LGR5: variants seen among roughly 807,000 people sequenced by gnomAD.
LGR5 encodes leucine rich repeat containing G protein-coupled receptor 5, also known as leucine-rich repeat-containing G protein-coupled receptor 5.
Under a neutral mutation model 76.7 loss-of-function variants are expected in LGR5, and 54 were observed. That is an observed-to-expected ratio of 0.70 (90% CI 0.57 to 0.88). The LOEUF (loss-of-function observed/expected upper bound fraction) is 0.88. LGR5 is among the 40% of genes least tolerant of loss of function. The pLI is 0.00. For synonymous variants in LGR5, 406 were observed against 421.9 expected (o/e 0.96, Z 0.46); for missense variants, 1,078 against 1,073.3 (o/e 1.00, Z -0.06).
rs2137487477 is a variant in LGR5, at chr12:71,584,458, T to C, written c.2448T>C (p.Asn816=). The part of the protein sequence containing the change: ...LVVVPLPACL[N]PLLYILFNPH... ...TAGTCCCACTTCCTGCATGTCTCAA[T>C]CCCCTTCTCTACATCTTGTTCAATC... Residue 816 remains asparagine, a synonymous_variant, in exon 18 of 18, where the codon AAT becomes AAC. Coordinates refer to ENST00000266674, the MANE Select transcript of LGR5 (RefSeq NM_003667.4). The C allele has an allele frequency of 6.2e-7, 1 of 1,614,160 alleles. No homozygotes were observed. Among genetic ancestry groups the C allele is most frequent in the African/African-American group, 1.3e-5 (1 of 75,046 alleles).
chr12:71,556,720 T>G (rs1877788731), intron 6 of LGR5, 30 bp downstream of exon 6: 1 of 1,503,662 alleles, frequency 6.7e-7, no homozygotes, highest in African/African-American at 1.4e-5. Context: ...GTTTCCCTTT[T>G]TTCAGTATTT....
intron 1 of LGR5, among the ~76,000 whole-genome samples, chr12:71,460,609 A>T (rs1471812088): frequency 6.6e-6 from 1 of 152,132 alleles, no homozygotes; most frequent in Non-Finnish European, 1.5e-5. Context: ...CTTTATATAC[A>T]GTAAGGGATG....
At chr12:71,511,012 G>T (rs1407205349) in intron 2 of LGR5, among the ~76,000 whole-genome samples, 42 of 152,198 alleles carry the variant, frequency 2.8e-4, no homozygotes, top group Non-Finnish European at 1.5e-5. Flanking sequence ...GTTAAGCCAT[G>T]TATGGAATTC....
chr12:71,508,752 C>CAAAAAAA (rs35401076), intron 2 of LGR5, among the ~76,000 whole-genome samples: 3 of 28,132 alleles, frequency 1.1e-4, no homozygotes, highest in African/African-American at 2.5e-4. Context: ...GACTCAGTCT[C>CAAAAAAA]AAAAAAAAAA....
At chr12:71,554,533 G>A (rs971611811) in intron 5 of LGR5, among the ~76,000 whole-genome samples, 1 of 152,156 alleles carries the variant, frequency 6.6e-6, no homozygotes, top group African/African-American at 2.4e-5. Flanking sequence ...AAGGTAGCCT[G>A]GTCCCAAGGC....
chr12:71,546,409 G>A (rs531528261), intron 4 of LGR5, among the ~76,000 whole-genome samples: 1 of 152,150 alleles, frequency 6.6e-6, no homozygotes, highest in South Asian at 2.1e-4. Context: ...CATTCACAGT[G>A]AACATGGAGT....
At chr12:71,541,693 T>A (rs1373152114) in intron 4 of LGR5, among the ~76,000 whole-genome samples, 1 of 152,226 alleles carries the variant, frequency 6.6e-6, no homozygotes, top group African/African-American at 2.4e-5. Context: ...TCATGCTTTA[T>A]CCTCACAGAA....
intron 1 of LGR5, among the ~76,000 whole-genome samples, chr12:71,443,525 C>A (rs765452301): frequency 1.3e-5 from 2 of 152,102 alleles, no homozygotes; most frequent in African/African-American, 2.4e-5. Flanking sequence ...AAGGAACGCA[C>A]CAAGGTTGAG....
At chr12:71,504,319 C>T (rs1874750032) in intron 1 of LGR5, among the ~76,000 whole-genome samples, 1 of 152,066 alleles carries the variant, frequency 6.6e-6, no homozygotes, top group Non-Finnish European at 1.5e-5. Context: ...CCTTTGCTGT[C>T]CTACTCACAT....
chr12:71,452,246 C>T (rs1872280303), intron 1 of LGR5, among the ~76,000 whole-genome samples: 1 of 152,186 alleles, frequency 6.6e-6, no homozygotes, highest in Admixed American at 6.5e-5. Flanking sequence ...TGGCAGTCAC[C>T]TCCTGATCTG....
chr12:71,570,137 A>C (rs534403717), intron 11 of LGR5, among the ~76,000 whole-genome samples: 1 of 151,658 alleles, frequency 6.6e-6, no homozygotes, highest in East Asian at 1.9e-4. Context: ...GAGAGAAACC[A>C]CACTTAACTG....
chr12:71,491,393 A>C (rs1236447212), intron 1 of LGR5, among the ~76,000 whole-genome samples: 1 of 152,066 alleles, frequency 6.6e-6, no homozygotes, highest in Non-Finnish European at 1.5e-5. Flanking sequence ...CCTTAGATTG[A>C]CTTTTTTTTT....
chr12:71,483,098 G>A (rs909829049), intron 1 of LGR5, among the ~76,000 whole-genome samples: 2 of 151,932 alleles, frequency 1.3e-5, no homozygotes, highest in Non-Finnish European at 2.9e-5. Context: ...AAAAAAAAAG[G>A]AACCACCATA....
At chr12:71,456,985 A>G (rs1346027072) in intron 1 of LGR5, among the ~76,000 whole-genome samples, 1 of 151,838 alleles carries the variant, frequency 6.6e-6, no homozygotes, top group Non-Finnish European at 1.5e-5. Flanking sequence ...GATTCCATAC[A>G]CCCCCATCTC....
rs746328435 is a variant in LGR5 at position 71,566,492 on chromosome 12, C to G, written c.929+17C>G. The stretch of plus-strand genomic sequence containing the variant: ...AAGAACACTGTAAGTTTCTATGTCT[C>G]TTATGGATCACTTTCCCTCTACAGG... On this transcript the variant is annotated intron_variant, in intron 9 of 17. Transcript: ENST00000266674. 2 of 1,577,712 alleles carry G rather than the reference C, an allele frequency of 1.3e-6. No homozygotes were observed. The highest frequency in any genetic ancestry group is 1.7e-6 in the Non-Finnish European group (2 of 1,147,596).
At chr12:71,462,003 T>C (rs1872703385) in intron 1 of LGR5, among the ~76,000 whole-genome samples, 1 of 152,138 alleles carries the variant, frequency 6.6e-6, no homozygotes. Context: ...GTAAAATGGG[T>C]TAATAGACCC....
intron 2 of LGR5, 91 bp from the exon 3 acceptor site, chr12:71,524,315 A>T: frequency 1.1e-6 from 1 of 876,598 alleles, no homozygotes; most frequent in Non-Finnish European, 1.7e-6. Context: ...TTTGTGGTTT[A>T]AACATAGTTG....
intron 6 of LGR5, among the ~76,000 whole-genome samples, chr12:71,557,398 A>G (rs2137421744): frequency 6.6e-6 from 1 of 152,348 alleles, no homozygotes; most frequent in Middle Eastern, 3.4e-3. Flanking sequence ...TCTTACAGCC[A>G]TCCTATGAGA....
At chr12:71,500,735 T>C (rs1183506760) in intron 1 of LGR5, among the ~76,000 whole-genome samples, 4 of 152,162 alleles carry the variant, frequency 2.6e-5, no homozygotes, top group Admixed American at 6.5e-5. Flanking sequence ...GTGCTGGGAT[T>C]ACAGATGTGA....
Sources: allele counts gnomAD v4.1 joint callset (sites outside exome capture counted in the v4.1 genomes callset), GRCh38; gene constraint gnomAD v4.1.1; transcripts MANE v1.5; gene names NCBI Gene and HGNC (gene_info 2026-07-23, HGNC 2026-07-21).